GRIA1: variants seen among roughly 807,000 people sequenced by gnomAD.
The protein encoded by GRIA1 is glutamate receptor 1.
Under a neutral mutation model 99.2 loss-of-function variants are expected in GRIA1, and 31 were observed. The observed-to-expected ratio is 0.31, with a 90% CI of 0.23 to 0.42. GRIA1 has a LOEUF of 0.42. Ranked by LOEUF, GRIA1 falls within the 10% of genes least tolerant of loss-of-function variation. The pLI is 1.00. For synonymous variants in GRIA1, 438 were observed against 432.4 expected, an observed-to-expected ratio of 1.01 and a Z score of -0.16; for missense variants, 782 against 1,157.5, an observed-to-expected ratio of 0.68 and a Z score of 4.71.
chr5:153,754,454 AAACAACAAC>A (rs201682146), intron 11 of GRIA1, among the ~76,000 whole-genome samples: 1 of 151,954 alleles, frequency 6.6e-6, no homozygotes, highest in Admixed American at 6.6e-5. Context: ...AGGCTGCTAT[AAACAACAAC>A]AACAACAACA....
At chr5:153,530,337 T>C (rs1229127853) in intron 2 of GRIA1, among the ~76,000 whole-genome samples, 3 of 152,236 alleles carry the variant, frequency 2.0e-5, no homozygotes, top group South Asian at 2.1e-4. Flanking sequence ...TAAGTAACTA[T>C]CAATGGAAGA....
intron 13 of GRIA1, among the ~76,000 whole-genome samples, chr5:153,783,349 A>G (rs1004526563): frequency 1.5e-4 from 23 of 152,248 alleles, no homozygotes; most frequent in Middle Eastern, 3.4e-3. Context: ...TCTCCAAGGT[A>G]TCTGACACAG....
chr5:153,586,433 T>A (rs775916489), intron 2 of GRIA1, among the ~76,000 whole-genome samples: 14 of 152,186 alleles, frequency 9.2e-5, no homozygotes, highest in Non-Finnish European at 1.8e-4. Context: ...TTGTCCAAGC[T>A]CACACAGTCA....
intron 2 of GRIA1, among the ~76,000 whole-genome samples, chr5:153,523,026 C>CTCTCTCTCTCTA (rs1757294124): frequency 6.6e-6 from 1 of 151,112 alleles, no homozygotes; most frequent in Admixed American, 6.6e-5. Flanking sequence ...ATCTCTCTCT[C>CTCTCTCTCTCTA]TCTCTCTCTC....
At position 153,491,229 on chromosome 5, in the gene GRIA1, A is replaced by G. The variant is rs563353757; in HGVS notation, c.82+259A>G. On this transcript the variant is annotated intron_variant, in intron 1 of 15. Coordinates refer to ENST00000285900, the MANE Select transcript of GRIA1 (RefSeq NM_000827.4). ...CAGGCAAGAGCATGTGAAATGGAGG[A>G]ACCATCGCTTTGGAGGAAAAAAAAA... 1.1e-5 allele frequency: 15 copies of G among 1,323,826 alleles called. No individual in the cohort carries two copies. The African/African-American group carries it at 2.3e-4, about 20-fold the overall frequency. 82.0% of individuals were successfully genotyped at this position (1,323,826 alleles called of 1,614,324 possible).
chr5:153,720,495 C>T (rs568106876), intron 11 of GRIA1, among the ~76,000 whole-genome samples: 22 of 152,340 alleles, frequency 1.4e-4, no homozygotes, highest in East Asian at 9.6e-4. Context: ...CTCCATCCCA[C>T]GCCCAGAGTC....
chr5:153,806,072 T>G (rs980911107), intron 15 of GRIA1, among the ~76,000 whole-genome samples: 1 of 152,216 alleles, frequency 6.6e-6, no homozygotes, highest in Non-Finnish European at 1.5e-5. Context: ...CTCAGACTTT[T>G]CAGCTTTGCA....
At chr5:153,667,852 C>T (rs1378154092) in intron 5 of GRIA1, among the ~76,000 whole-genome samples, 2 of 152,186 alleles carry the variant, frequency 1.3e-5, no homozygotes, top group African/African-American at 4.8e-5. Context: ...GTGTTAAACA[C>T]CTCTTTAGGA....
At chr5:153,707,693 T>C (rs1186014364) in intron 11 of GRIA1, among the ~76,000 whole-genome samples, 1 of 152,168 alleles carries the variant, frequency 6.6e-6, no homozygotes, top group African/African-American at 2.4e-5. Flanking sequence ...AGGACCAATA[T>C]TCCTAAGCGG....
intron 13 of GRIA1, among the ~76,000 whole-genome samples, chr5:153,788,755 G>A (rs113450014): frequency 2.2e-4 from 33 of 152,232 alleles, no homozygotes; most frequent in African/African-American, 7.2e-4. Context: ...AGGACCTCTC[G>A]TGGTGCTAGC....
chr5:153,770,296 C>G lies in GRIA1; in HGVS notation c.2151C>G (p.Leu717=). Residue 717 remains leucine (L), a synonymous_variant, in exon 13 of 16, where the codon CTC becomes CTG. Coordinates refer to ENST00000285900, the MANE Select transcript of GRIA1 (RefSeq NM_000827.4). ...AATCCAAAGGCAAATATGCCTACCT[C>G]CTGGAGTCCACCATGAATGAGTACA... ...VRKSKGKYAY[L]LESTMNEYIE... is the part of the protein sequence containing the mutation. 6.2e-7 allele frequency: 1 copy of G among 1,614,066 alleles called. No individual in the cohort carries two copies. Among genetic ancestry groups the G allele is most frequent in the Non-Finnish European group, 8.5e-7 (1 of 1,179,964 alleles).
rs377328569 is a variant in GRIA1 at position 153,588,828 on chromosome 5, C to T, written c.221-58100C>T. ...TTCTATTGCTTAGAACAACTTCTTT[C>T]GCATCTATCCAAAATGTATAACCCT... On this transcript the variant is annotated intron_variant, in intron 2 of 15. Transcript: ENST00000285900. Among the ~76,000 whole-genome samples the T allele has an allele frequency of 1.1e-4, 17 of 152,190 alleles. No homozygotes were observed. The South Asian group carries it at 1.7e-3, about 15-fold the overall frequency.
chr5:153,567,185 A>C (rs1370988036), intron 2 of GRIA1, among the ~76,000 whole-genome samples: 1 of 152,168 alleles, frequency 6.6e-6, no homozygotes, highest in Non-Finnish European at 1.5e-5. Context: ...AGTGTCCATT[A>C]TGTGTCAGGA....
At chr5:153,624,227 A>AT (rs1375838081) in intron 2 of GRIA1, among the ~76,000 whole-genome samples, 2 of 152,250 alleles carry the variant, frequency 1.3e-5, no homozygotes. Context: ...TCCCAAGGTC[A>AT]GAGCTATTTG....
intron 10 of GRIA1, among the ~76,000 whole-genome samples, chr5:153,705,406 G>A (rs1758818201): frequency 6.6e-6 from 1 of 152,082 alleles, no homozygotes; most frequent in Non-Finnish European, 1.5e-5. Flanking sequence ...TGCTGAGCAG[G>A]CAAAAACAAC....
At position 153,756,501 on chromosome 5, in the gene GRIA1, G is replaced by A. The variant is rs1204945085; in HGVS notation, c.1824-7933G>A. The stretch of plus-strand genomic sequence containing the variant: ...ACTGTAGGCAGGGTTGCCAACATCT[G>A]TTCCGCAGCTCCTCTCACTATAGCC... On this transcript the variant is annotated intron_variant, in intron 11 of 15. Transcript: ENST00000285900. 5.9e-5 allele frequency among the ~76,000 whole-genome samples: 9 copies of A among 152,214 alleles called. No homozygotes were observed. The South Asian group carries it at 6.2e-4, about 10-fold the overall frequency.
intron 6 of GRIA1, among the ~76,000 whole-genome samples, chr5:153,675,362 A>T (rs1756498020): frequency 6.6e-6 from 1 of 152,204 alleles, no homozygotes. Context: ...TACCTGGGAG[A>T]GTCCACTCTC....
intron 15 of GRIA1, among the ~76,000 whole-genome samples, chr5:153,802,734 C>T (rs756257695): frequency 2.6e-5 from 4 of 152,096 alleles, no homozygotes; most frequent in Admixed American, 2.6e-4. Flanking sequence ...AGAGTGGGGT[C>T]AGTGAGATTG....
intron 3 of GRIA1, 95 bp from the exon 4 acceptor site, chr5:153,650,234 TG>T (rs1561728483): frequency 2.0e-6 from 2 of 1,021,760 alleles, no homozygotes; most frequent in Non-Finnish European, 1.4e-6. Context: ...AGAGTGGGTT[TG>T]GGGGTAGCCA....
Sources: allele counts gnomAD v4.1 joint callset (sites outside exome capture counted in the v4.1 genomes callset), GRCh38; gene constraint gnomAD v4.1.1; transcripts MANE v1.5; gene names NCBI Gene and HGNC (gene_info 2026-07-23, HGNC 2026-07-21).